Variants in EML6 observed in about 807,000 individuals in gnomAD.
EML6 encodes the protein echinoderm microtubule-associated protein-like 6.
EML6 carries 154 observed loss-of-function variants against 240.1 expected under a neutral mutation model. The ratio of observed to expected loss-of-function variants is 0.64; its 90% CI spans 0.56 to 0.73. The LOEUF is 0.73. Among genes scored for constraint, EML6 ranks in the 30% least tolerant of loss-of-function variants. The pLI is 0.00. For synonymous variants in EML6, 1,148 were observed against 899.0 expected, an observed-to-expected ratio of 1.28 and a Z score of -4.95; for missense variants, 2,964 against 2,474.6, an observed-to-expected ratio of 1.20 and a Z score of -4.20.
Position 54,962,808 on chromosome 2 carries a change from C to A in EML6, c.5157+97C>A, listed in dbSNP as rs182828363. ...GGCCCAGCCAGCGTCATGGCAGAGA[C>A]GGGGATGGGGCCAGGTAGGAGATCG... On this transcript the variant is annotated intron_variant, in intron 36 of 41. Coordinates refer to ENST00000356458, the MANE Select transcript of EML6 (RefSeq NM_001039753.4). 1.2e-4 allele frequency: 120 copies of A among 1,016,036 alleles called. No individual in the cohort carries two copies. In the African/African-American group the frequency reaches 1.8e-3, roughly 15 times the overall value. The allele number at this position is 1,016,036 out of a possible 1,614,324, so 62.9% of individuals were successfully genotyped here.
chr2:54,860,349 C>A (rs1367981256), intron 12 of EML6, among the ~76,000 whole-genome samples: 1 of 152,104 alleles, frequency 6.6e-6, no homozygotes, highest in Non-Finnish European at 1.5e-5. Context: ...TCAAGCCTTC[C>A]AGGGACTTCA....
intron 28 of EML6, among the ~76,000 whole-genome samples, chr2:54,939,696 T>A (rs1675327116): frequency 1.3e-5 from 2 of 152,188 alleles, no homozygotes; most frequent in Admixed American, 6.5e-5. Context: ...CTCTTGACCC[T>A]CCCTCCAGGC....
rs183996875 is a variant in EML6 at position 54,725,869 on chromosome 2, G to A, written c.197+611G>A. Among the ~76,000 whole-genome samples the A allele has an allele frequency of 6.6e-6, 1 of 152,144 alleles. No individual in the cohort carries two copies. Among genetic ancestry groups the A allele is most frequent in the Non-Finnish European group, 1.5e-5 (1 of 68,032 alleles). ...CACAGCATCATTGAGGTTATTAAAG[G>A]CTGGCAGCTGCTGGATCACAAAATC... On this transcript the variant is annotated intron_variant, in intron 2 of 41. Transcript: ENST00000356458. The surrounding 1 kb of genome is among the most constrained non-coding windows in gnomAD (Gnocchi z 4.3).
chr2:54,811,045 T>A (rs1667817316), intron 2 of EML6, among the ~76,000 whole-genome samples: 1 of 152,138 alleles, frequency 6.6e-6, no homozygotes, highest in Non-Finnish European at 1.5e-5. Flanking sequence ...TCAAACATAC[T>A]AAGCATTTCC....
Position 54,959,255 on chromosome 2 carries a change from A to G in EML6, c.4847A>G (p.Glu1616Gly). Residue 1616 changes from glutamate (E) to glycine (G), a missense_variant, in exon 34 of 42, where the codon GAG (glutamate) becomes GGG (glycine). Glu to Gly is a moderately conservative substitution (Grantham distance 98). Transcript: ENST00000356458. Reference sequence around the variant, plus strand: ...GGACTCATAGTGACCGGCGGAAAAGAGAGGCCGTAAGCCAAAGCTCCTATG... The same window carrying G: ...GGACTCATAGTGACCGGCGGAAAAGGGAGGCCGTAAGCCAAAGCTCCTATG... Reference protein sequence around the residue: ...RDGLIVTGGKERPTKEGGAVK... With the variant: ...RDGLIVTGGKGRPTKEGGAVK... 3 of 1,534,994 alleles carry G rather than the reference A, an allele frequency of 2.0e-6. No individual in the cohort carries two copies. Among genetic ancestry groups the G allele is most frequent in the Non-Finnish European group, 2.6e-6 (3 of 1,138,664 alleles).
intron 32 of EML6, 21 bp from the exon 33 acceptor site, chr2:54,957,769 T>C (rs750152140): frequency 6.9e-5 from 107 of 1,548,934 alleles, no homozygotes; most frequent in Non-Finnish European, 9.1e-5. Flanking sequence ...GGAGCCTCAC[T>C]GGACTCTGTC....
chr2:54,925,866 TAA>T (rs933903483), intron 26 of EML6, among the ~76,000 whole-genome samples: 48 of 152,324 alleles, frequency 3.2e-4, no homozygotes, highest in African/African-American at 1.0e-3. Flanking sequence ...ATGGAGAGGC[TAA>T]AATACCACTG....
chr2:54,750,932 TA>T (rs1296301613), intron 2 of EML6, among the ~76,000 whole-genome samples: 1 of 152,006 alleles, frequency 6.6e-6, no homozygotes, highest in East Asian at 1.9e-4. Flanking sequence ...CCAATTTTTT[TA>T]AAAAGGGGAG....
At chr2:54,924,640 C>G (rs1169824900) in intron 26 of EML6, among the ~76,000 whole-genome samples, 1 of 152,202 alleles carries the variant, frequency 6.6e-6, no homozygotes, top group Non-Finnish European at 1.5e-5. Context: ...CGGCTCACTG[C>G]AACCTCTGTC....
At chr2:54,731,542 G>A (rs1412075259) in intron 2 of EML6, among the ~76,000 whole-genome samples, 1 of 151,966 alleles carries the variant, frequency 6.6e-6, no homozygotes, top group African/African-American at 2.4e-5. Flanking sequence ...TTGGGAGCCT[G>A]GAAGGTCAAG....
At chr2:54,926,763 C>A (rs893888728) in intron 26 of EML6, among the ~76,000 whole-genome samples, 1 of 152,130 alleles carries the variant, frequency 6.6e-6, no homozygotes, top group African/African-American at 2.4e-5. Flanking sequence ...CTTCAGTGGC[C>A]CTGAATTTTT....
chr2:54,954,369 G>T (rs1474287019), intron 32 of EML6, among the ~76,000 whole-genome samples: 1 of 152,184 alleles, frequency 6.6e-6, no homozygotes, highest in African/African-American at 2.4e-5. Flanking sequence ...AGGCTGGCCA[G>T]GGACTCCAGG....
At chr2:54,941,420 A>G (rs1453119216) in intron 28 of EML6, among the ~76,000 whole-genome samples, 1 of 152,154 alleles carries the variant, frequency 6.6e-6, no homozygotes, top group African/African-American at 2.4e-5. Context: ...CAAATGAGCA[A>G]CCTGTGCTCC....
intron 22 of EML6, among the ~76,000 whole-genome samples, chr2:54,902,103 T>C (rs975344750): frequency 3.9e-5 from 6 of 152,180 alleles, no homozygotes; most frequent in Non-Finnish European, 8.8e-5. Context: ...GATCAGAGAA[T>C]TGGAGCAACT....
chr2:54,915,989 A>C (rs972968774), intron 25 of EML6, among the ~76,000 whole-genome samples: 8 of 152,234 alleles, frequency 5.3e-5, no homozygotes, highest in Non-Finnish European at 1.2e-4. Context: ...CCTCAGTCTT[A>C]TCAGGATTTA....
Position 54,962,548 on chromosome 2 carries a change from A to G in EML6, c.4994A>G (p.Asp1665Gly), listed in dbSNP as rs1415896547. 1.3e-6 allele frequency: 2 copies of G among 1,548,076 alleles called. No individual in the cohort carries two copies. Among genetic ancestry groups the G allele is most frequent in the Non-Finnish European group, 8.7e-7 (1 of 1,145,426 alleles). Residue 1665 changes from aspartate (D) to glycine (G), a missense_variant, in exon 36 of 42, where the codon GAC becomes GGC. Transcript: ENST00000356458. ...GGAAAAATCTTAGTGGGAACCAAAG[A>G]CGGAGAAATAATTGAAGTTGGTGAA... is the stretch of plus-strand genomic sequence containing the variant. ...GKGKILVGTK[D>G]GEIIEVGEKN... is the part of the protein sequence containing the mutation.
intron 28 of EML6, among the ~76,000 whole-genome samples, chr2:54,937,780 C>G (rs13014361): frequency 5.3e-5 from 8 of 152,162 alleles, no homozygotes; most frequent in African/African-American, 9.6e-5. Context: ...AAAAAAGTTT[C>G]AAGCAACAGT....
At chr2:54,793,365 G>A (rs1669565834) in intron 2 of EML6, among the ~76,000 whole-genome samples, 2 of 143,010 alleles carry the variant, frequency 1.4e-5, no homozygotes, top group Admixed American at 7.1e-5. Context: ...AGAAGTATAA[G>A]GTAAATATGT....
At chr2:54,840,358 C>T (rs1222409883) in intron 7 of EML6, among the ~76,000 whole-genome samples, 4 of 152,316 alleles carry the variant, frequency 2.6e-5, no homozygotes, top group African/African-American at 7.2e-5. Flanking sequence ...AAATATATAA[C>T]GTATCACTAA....
Sources: allele counts gnomAD v4.1 joint callset (sites outside exome capture counted in the v4.1 genomes callset), GRCh38; gene constraint gnomAD v4.1.1; non-coding constraint Gnocchi (gnomAD v3.1); transcripts MANE v1.5; gene names NCBI Gene and HGNC (gene_info 2026-07-23, HGNC 2026-07-21).